Variants in PCLO observed in about 807,000 individuals in gnomAD.
PCLO encodes protein piccolo.
A neutral mutation model predicts 427.5 loss-of-function variants in PCLO; 82 were observed. The observed-to-expected ratio is 0.19, with a 90% CI of 0.16 to 0.23. The LOEUF (loss-of-function observed/expected upper bound fraction) is 0.23. PCLO is among the 10% of genes least tolerant of loss of function. The pLI, the probability that PCLO is intolerant of heterozygous loss-of-function variation, is 1.00. For synonymous variants in PCLO, 2,357 were observed against 2,155.4 expected (o/e 1.09, Z -2.59); for missense variants, 6,239 against 6,115.9 (o/e 1.02, Z -0.67).
At chr7:82,973,566 C>T (rs1220145630) in intron 3 of PCLO, among the ~76,000 whole-genome samples, 2 of 151,708 alleles carry the variant, frequency 1.3e-5, no homozygotes, top group Non-Finnish European at 2.9e-5. Flanking sequence ...CTAGAGTTAT[C>T]ATTCCTAGGT....
chr7:83,106,102 T>G (rs1394957314), intron 3 of PCLO, among the ~76,000 whole-genome samples: 1 of 152,176 alleles, frequency 6.6e-6, no homozygotes, highest in African/African-American at 2.4e-5. Flanking sequence ...GCTGGCACAA[T>G]GGCCACTACA....
At position 82,894,805 on chromosome 7, in the gene PCLO, G is replaced by C. The variant is rs760197921; in HGVS notation, c.13528+7846C>G. Among the ~76,000 whole-genome samples, 78 of 151,996 alleles carry C rather than the reference G, an allele frequency of 5.1e-4. 1 individual carries two copies. Among genetic ancestry groups the C allele is most frequent in the Non-Finnish European group, 1.0e-3 (70 of 67,982 alleles). The stretch of plus-strand genomic sequence containing the variant: ...AAGTGGCAGACTTGCAATTTATTTG[G>C]GGATTAAACTGGGAGACTGGGAATT... On this transcript the variant is annotated intron_variant, in intron 9 of 24. Coordinates refer to ENST00000333891, the MANE Select transcript of PCLO (RefSeq NM_033026.6).
intron 3 of PCLO, among the ~76,000 whole-genome samples, chr7:83,098,567 G>T (rs2116477464): frequency 6.6e-6 from 1 of 152,108 alleles, no homozygotes; most frequent in East Asian, 1.9e-4. Context: ...TATATAAAGG[G>T]AATAAATGAC....
At chr7:83,053,859 C>T (rs943060718) in intron 3 of PCLO, among the ~76,000 whole-genome samples, 1 of 151,834 alleles carries the variant, frequency 6.6e-6, no homozygotes, top group African/African-American at 2.4e-5. Flanking sequence ...AAATGTCAAA[C>T]TTTAACAAAA....
chr7:82,814,790 T>C (rs1791642294), intron 20 of PCLO, among the ~76,000 whole-genome samples: 1 of 151,994 alleles, frequency 6.6e-6, no homozygotes, highest in Non-Finnish European at 1.5e-5. Context: ...AACATGTTAA[T>C]CTTCTCAAGA....
intron 20 of PCLO, among the ~76,000 whole-genome samples, chr7:82,806,196 G>T (rs1183183230): frequency 1.3e-5 from 2 of 152,064 alleles, no homozygotes; most frequent in African/African-American, 2.4e-5. Context: ...ATGGAGAAAA[G>T]AATTTAGAAA....
intron 3 of PCLO, among the ~76,000 whole-genome samples, chr7:82,994,424 A>G (rs1417480695): frequency 1.3e-5 from 2 of 151,996 alleles, no homozygotes; most frequent in African/African-American, 4.8e-5. Flanking sequence ...AGAATTAAGT[A>G]ACGAAAAGGG....
chr7:82,954,466 T>C lies in PCLO; in HGVS notation c.6487A>G (p.Ile2163Val), dbSNP rs570812444. The C allele has an allele frequency of 9.9e-6, 16 of 1,613,976 alleles. No homozygotes were observed. In the East Asian group the frequency reaches 3.3e-4, roughly 34 times the overall value. ...IQEIIAHESL[I>V]LTYSEPSESA... ...TCTGAAGGCTCCGAGTAGGTCAAAA[T>C]CAGCGATTCATGGGCAATTATCTCT... Residue 2163 changes from isoleucine (I) to valine (V), a missense_variant, in exon 5 of 25, where the codon ATT becomes GTT. Around this residue, in one of 5 missense-constraint regions of PCLO, gnomAD observed 4,677 missense variants for 4,468.4 expected, o/e 1.05. Coordinates refer to ENST00000333891, the MANE Select transcript of PCLO (RefSeq NM_033026.6).
chr7:83,113,393 A>T (rs994529698), intron 3 of PCLO, among the ~76,000 whole-genome samples: 1 of 152,144 alleles, frequency 6.6e-6, no homozygotes, highest in Admixed American at 6.5e-5. Context: ...CCTTAGCTGT[A>T]GATGTATTCT....
intron 3 of PCLO, among the ~76,000 whole-genome samples, chr7:82,994,134 C>T (rs41579): frequency 0.74 from 111,735 of 151,850 alleles, 41,356 homozygotes; most frequent in East Asian, 0.93. Flanking sequence ...AGACTCAATA[C>T]AAGATATAAC....
intron 4 of PCLO, among the ~76,000 whole-genome samples, chr7:82,960,182 G>C (rs570112383): frequency 6.6e-5 from 10 of 151,968 alleles, no homozygotes; most frequent in African/African-American, 1.7e-4. Flanking sequence ...TTATTTTGAC[G>C]GGCTAAAATT....
At position 82,953,406 on chromosome 7, in the gene PCLO, A is replaced by G; in HGVS notation, c.7547T>C (p.Ile2516Thr). 1 of 1,613,484 alleles carries G rather than the reference A, an allele frequency of 6.2e-7. No individual in the cohort carries two copies. The highest frequency in any genetic ancestry group is 8.5e-7 in the Non-Finnish European group (1 of 1,179,788). ...SKPPIAPKPV[I>T]PQLPTTTQKP... ...TTGTGTAGTTGTTGGAAGCTGAGGA[A>G]TCACTGGTTTGGGGGCGATTGGAGG... Residue 2516 changes from isoleucine (I) to threonine (T), a missense_variant, in exon 5 of 25, where the codon ATT (isoleucine) becomes ACT (threonine). Physicochemically the swap from Ile to Thr is moderately conservative, Grantham distance 89. Around this residue, in one of 5 missense-constraint regions of PCLO, gnomAD observed 4,677 missense variants for 4,468.4 expected, o/e 1.05. Transcript: ENST00000333891.
At chr7:83,150,002 A>T (rs1792089100) in intron 2 of PCLO, among the ~76,000 whole-genome samples, 1 of 152,220 alleles carries the variant, frequency 6.6e-6, no homozygotes, top group South Asian at 2.1e-4. Flanking sequence ...TAAAAAAAAA[A>T]TGGCGAGAAA....
At chr7:82,849,664 A>T (rs1584045493) in intron 10 of PCLO, among the ~76,000 whole-genome samples, 1 of 152,274 alleles carries the variant, frequency 6.6e-6, no homozygotes, top group South Asian at 2.1e-4. Context: ...GGCATTTCGA[A>T]TATATATGAA....
chr7:82,913,955 A>C (rs1794383345), intron 7 of PCLO, among the ~76,000 whole-genome samples: 1 of 152,092 alleles, frequency 6.6e-6, no homozygotes, highest in Non-Finnish European at 1.5e-5. Flanking sequence ...TCAGAAAAGA[A>C]GTTTACAAGG....
chr7:83,156,012 G>A lies in PCLO; in HGVS notation c.629C>T (p.Pro210Leu). Residue 210 changes from proline to leucine, a missense_variant, in exon 2 of 25, where the codon CCT (proline) becomes CTT (leucine). Pro to Leu is a moderately conservative substitution (Grantham distance 98). This residue lies in a region of PCLO where 4,677 missense variants were observed against 4,468.4 expected (regional missense o/e 1.05). Coordinates refer to ENST00000333891, the MANE Select transcript of PCLO (RefSeq NM_033026.6). ...QGKPEGIIKP[P>L]LQQQPPKPIP... ...CGGCTTGGGTGGCTGTTGTTGTAAA[G>A]GAGGTTTTATGATTCCTTCAGGTTT... 1 of 1,613,524 alleles carries A rather than the reference G, an allele frequency of 6.2e-7. No individual in the cohort carries two copies. The highest frequency in any genetic ancestry group is 8.5e-7 in the Non-Finnish European group (1 of 1,179,774).
At chr7:83,136,507 C>T (rs1160275041) in intron 2 of PCLO, among the ~76,000 whole-genome samples, 1 of 151,938 alleles carries the variant, frequency 6.6e-6, no homozygotes, top group Non-Finnish European at 1.5e-5. Flanking sequence ...CAAAGCATTA[C>T]TCCCCCCTCC....
chr7:83,083,635 T>C (rs1247229817), intron 3 of PCLO, among the ~76,000 whole-genome samples: 8 of 152,034 alleles, frequency 5.3e-5, no homozygotes, highest in Non-Finnish European at 1.2e-4. Flanking sequence ...TCACCACATT[T>C]CAAGCAGATG....
At chr7:83,034,963 C>G (rs1306867785) in intron 3 of PCLO, among the ~76,000 whole-genome samples, 3 of 152,190 alleles carry the variant, frequency 2.0e-5, no homozygotes, top group Non-Finnish European at 4.4e-5. Context: ...TCCAACTGGT[C>G]TCTGTCAGTC....
Sources: allele counts gnomAD v4.1 joint callset (sites outside exome capture counted in the v4.1 genomes callset), GRCh38; gene constraint gnomAD v4.1.1; regional missense constraint gnomAD v4.1.1; transcripts MANE v1.5; gene names NCBI Gene and HGNC (gene_info 2026-07-23, HGNC 2026-07-21).